Variants in ROBO2 observed in about 807,000 individuals in gnomAD.
The protein encoded by ROBO2 is roundabout homolog 2.
Under a neutral mutation model 160.8 loss-of-function variants are expected in ROBO2, and 53 were observed. The ratio of observed to expected loss-of-function variants is 0.33; its 90% confidence interval spans 0.26 to 0.41. The LOEUF is 0.41. Ranked by LOEUF, ROBO2 falls within the 10% of genes least tolerant of loss-of-function variation. The pLI is 1.00. For synonymous variants in ROBO2, 664 were observed against 611.7 expected, an observed-to-expected ratio of 1.09 and a Z score of -1.26; for missense variants, 1,577 against 1,722.4, an observed-to-expected ratio of 0.92 and a Z score of 1.49.
At chr3:77,402,547 C>T (rs576848103) in intron 2 of ROBO2, among the ~76,000 whole-genome samples, 53 of 152,214 alleles carry the variant, frequency 3.5e-4, no homozygotes, top group African/African-American at 1.2e-3. Context: ...TTCTGAATAT[C>T]TCAGGAGTTG....
chr3:76,593,851 T>C (rs1274612070), intron 2 of ROBO2, among the ~76,000 whole-genome samples: 2 of 152,012 alleles, frequency 1.3e-5, no homozygotes, highest in East Asian at 1.9e-4. Context: ...GAAGCAGGTA[T>C]ATAGTGGCAG....
At chr3:76,389,493 C>T (rs951394743) in intron 2 of ROBO2, among the ~76,000 whole-genome samples, 1 of 152,128 alleles carries the variant, frequency 6.6e-6, no homozygotes, top group African/African-American at 2.4e-5. Context: ...TAGGAAGATA[C>T]CATCTTGAAC....
intron 2 of ROBO2, among the ~76,000 whole-genome samples, chr3:76,359,704 CATATATT>C (rs1559819292): frequency 2.0e-5 from 3 of 151,886 alleles, no homozygotes; most frequent in African/African-American, 7.3e-5. Context: ...TCTTGGTATT[CATATATT>C]ATATGTCATT....
At chr3:77,126,636 C>T (rs2075334776) in intron 2 of ROBO2, among the ~76,000 whole-genome samples, 1 of 151,180 alleles carries the variant, frequency 6.6e-6, no homozygotes, top group Non-Finnish European at 1.5e-5. Context: ...GCATTAGTAC[C>T]CAAGGGAACT....
chr3:77,452,769 G>T (rs887035318), intron 2 of ROBO2, among the ~76,000 whole-genome samples: 1 of 151,792 alleles, frequency 6.6e-6, no homozygotes, highest in Admixed American at 6.6e-5. Context: ...ACCAAAACAT[G>T]TTTTTTTTAA....
chr3:76,077,647 CCTA>C lies in ROBO2; in HGVS notation c.109+140049_109+140051del, dbSNP rs559607595. On this transcript the variant is annotated intron_variant, in intron 2 of 26. Coordinates refer to the ROBO2 transcript ENST00000487694. Reference sequence around the variant, plus strand: ...TCTTCTTGACTTGAGCAACATTTTTCCTACTATTATTTAAAAAAAGAAGTAATA... The same window carrying C: ...TCTTCTTGACTTGAGCAACATTTTTCCTATTATTTAAAAAAAGAAGTAATA... Among the ~76,000 whole-genome samples the C allele has an allele frequency of 2.0e-5, 3 of 152,018 alleles. No individual in the cohort carries two copies. In the South Asian group the frequency reaches 6.2e-4, roughly 32 times the overall value.
In ROBO2 at chr3:76,510,745, A is replaced by G. The variant is rs555354489; in HGVS notation, c.109+573143A>G. 3.9e-3 allele frequency among the ~76,000 whole-genome samples: 594 copies of G among 152,254 alleles called. 4 individuals carry two copies. Among genetic ancestry groups the G allele is most frequent in the African/African-American group, 0.014 (566 of 41,566 alleles). On this transcript the variant is annotated intron_variant, in intron 2 of 26. Transcript: ENST00000487694. ...CTCAAAAAAATAAAAAATAAAATAA[A>G]TGAAATACAGGAAGAAATTAATGAA... is the stretch of plus-strand genomic sequence containing the variant.
intron 2 of ROBO2, among the ~76,000 whole-genome samples, chr3:77,236,951 G>A (rs896015119): frequency 2.0e-5 from 3 of 152,278 alleles, no homozygotes; most frequent in South Asian, 2.1e-4. Flanking sequence ...ACAGCTCACA[G>A]CAGCCTCAAC....
chr3:76,346,849 C>G (rs1422416146), intron 2 of ROBO2, among the ~76,000 whole-genome samples: 1 of 152,172 alleles, frequency 6.6e-6, no homozygotes, highest in Non-Finnish European at 1.5e-5. Context: ...ATAAATTACT[C>G]TGTATGCTCC....
At chr3:77,161,481 G>T (rs2078481500) in intron 2 of ROBO2, among the ~76,000 whole-genome samples, 1 of 152,128 alleles carries the variant, frequency 6.6e-6, no homozygotes, top group Non-Finnish European at 1.5e-5. Flanking sequence ...TAAAACTAAG[G>T]TTAAAAGATT....
At chr3:76,202,025 C>A (rs959299220) in intron 2 of ROBO2, among the ~76,000 whole-genome samples, 1 of 151,728 alleles carries the variant, frequency 6.6e-6, no homozygotes, top group African/African-American at 2.4e-5. Flanking sequence ...GAAAATGGAA[C>A]AAATAGGGAA....
chr3:77,486,510 T>C (rs146193773), intron 4 of ROBO2, among the ~76,000 whole-genome samples: 2,697 of 147,074 alleles, frequency 0.018, 75 homozygotes, highest in African/African-American at 0.061. Flanking sequence ...ATTTCTCTAA[T>C]AATCAGTGAT....
In ROBO2 at chr3:76,785,639, C is replaced by T. The variant is rs3887038; in HGVS notation, c.110-312375C>T. Reference sequence around the variant, plus strand: ...TTCTAGAAGTTTAAACAACTTAGACCGAGACTCACCTATCTGAGAGAGAAA... The same window carrying T: ...TTCTAGAAGTTTAAACAACTTAGACTGAGACTCACCTATCTGAGAGAGAAA... On this transcript the variant is annotated intron_variant, in intron 2 of 26. Transcript: ENST00000487694. Among the ~76,000 whole-genome samples the T allele has an allele frequency of 9.1e-3, 1,372 of 150,912 alleles. 17 individuals are homozygous for T. Among genetic ancestry groups the T allele is most frequent in the African/African-American group, 0.031 (1,294 of 41,250 alleles).
chr3:77,090,128 AT>A (rs540661546), intron 1 of ROBO2, among the ~76,000 whole-genome samples: 8 of 152,120 alleles, frequency 5.3e-5, no homozygotes, highest in Non-Finnish European at 1.2e-4. Flanking sequence ...TAATGTCAGA[AT>A]CATCCTCAGC....
At chr3:76,960,218 A>G (rs1456031923) in intron 2 of ROBO2, among the ~76,000 whole-genome samples, 2 of 151,794 alleles carry the variant, frequency 1.3e-5, no homozygotes, top group African/African-American at 2.4e-5. Context: ...GTGTAGATTT[A>G]GCTATAGTTA....
intron 2 of ROBO2, among the ~76,000 whole-genome samples, chr3:77,249,864 C>G (rs2090147370): frequency 6.6e-6 from 1 of 150,552 alleles, no homozygotes; most frequent in African/African-American, 2.4e-5. Context: ...AAACTAAGAC[C>G]TGGCTATAAA....
rs141792897 is a variant in ROBO2 at position 77,292,577 on chromosome 3, T to A, written c.389-184837T>A. 2.4e-3 allele frequency among the ~76,000 whole-genome samples: 311 copies of A among 127,780 alleles called. 4 individuals are homozygous for A. Among genetic ancestry groups the A allele is most frequent in the African/African-American group, 8.1e-3 (296 of 36,386 alleles). The allele number at this position is 127,780 out of a possible 152,430, so 83.8% of individuals were successfully genotyped here. On this transcript the variant is annotated intron_variant, in intron 2 of 25. Transcript: ENST00000461745. The stretch of plus-strand genomic sequence containing the variant: ...ACATAAAGTAAAATTGATGGTTAAA[T>A]GGGTAAGCTGAGGCCAGATCACCCC...
intron 2 of ROBO2, among the ~76,000 whole-genome samples, chr3:77,361,048 A>G (rs569409968): frequency 2.6e-5 from 4 of 152,292 alleles, no homozygotes; most frequent in Admixed American, 6.5e-5. Context: ...TCTATCAGGC[A>G]TATCTATTGG....
intron 2 of ROBO2, among the ~76,000 whole-genome samples, chr3:77,332,698 A>G (rs2066097075): frequency 6.6e-6 from 1 of 152,218 alleles, no homozygotes; most frequent in African/African-American, 2.4e-5. Context: ...TTAGGCATTA[A>G]TTCCAAAAGA....
Sources: gnomAD v4.1 joint callset for allele counts (sites outside exome capture counted in the v4.1 genomes callset) on GRCh38, gnomAD v4.1.1 for gene constraint, MANE v1.5 for transcripts, NCBI Gene and HGNC (gene_info 2026-07-23, HGNC 2026-07-21) for gene names.